Variants in FAM193A observed in about 807,000 individuals in gnomAD.
FAM193A encodes protein FAM193A.
Under a neutral mutation model 126.5 loss-of-function variants are expected in FAM193A, and 22 were observed. The ratio of observed to expected loss-of-function variants is 0.17; its 90% CI spans 0.12 to 0.25. FAM193A has a LOEUF of 0.25. Among genes scored for constraint, FAM193A ranks in the 10% least tolerant of loss-of-function variants. The pLI is 1.00. For synonymous variants in FAM193A, 761 were observed against 646.8 expected, an observed-to-expected ratio of 1.18 and a Z score of -2.68; for missense variants, 1,675 against 1,672.8, an observed-to-expected ratio of 1.00 and a Z score of -0.02.
At chr4:2,645,349 C>T (rs1745028183) in intron 6 of FAM193A, among the ~76,000 whole-genome samples, 1 of 152,174 alleles carries the variant, frequency 6.6e-6, no homozygotes, top group African/African-American at 2.4e-5. Context: ...TGTGTCTCCA[C>T]ACCACTCCCC....
intron 1 of FAM193A, among the ~76,000 whole-genome samples, chr4:2,586,072 C>T (rs1168809407): frequency 6.6e-6 from 1 of 151,884 alleles, no homozygotes; most frequent in Non-Finnish European, 1.5e-5. Context: ...AGAGAAACCC[C>T]ATCTCTACTA....
intron 20 of FAM193A, among the ~76,000 whole-genome samples, chr4:2,717,896 C>T (rs1483258558): frequency 1.3e-5 from 2 of 151,968 alleles, no homozygotes; most frequent in African/African-American, 4.8e-5. Flanking sequence ...TCAGGTGATC[C>T]ACCCCCCCTT....
At chr4:2,652,564 A>AG (rs540982370) in intron 7 of FAM193A, among the ~76,000 whole-genome samples, 3 of 152,132 alleles carry the variant, frequency 2.0e-5, no homozygotes, top group African/African-American at 7.2e-5. Flanking sequence ...AGTAGGAGGA[A>AG]GGGGGGTGGG....
chr4:2,681,730 C>T (rs1365809031), intron 13 of FAM193A, among the ~76,000 whole-genome samples: 1 of 152,190 alleles, frequency 6.6e-6, no homozygotes, highest in African/African-American at 2.4e-5. Flanking sequence ...TCCCAAGGTG[C>T]TGGAATTACA....
At chr4:2,712,324 G>A (rs985005121) in intron 19 of FAM193A, among the ~76,000 whole-genome samples, 1 of 152,004 alleles carries the variant, frequency 6.6e-6, no homozygotes, top group Admixed American at 6.5e-5. Flanking sequence ...TGTCTTCTGT[G>A]GCTTATTATT....
intron 13 of FAM193A, among the ~76,000 whole-genome samples, chr4:2,687,153 A>C (rs904885553): frequency 1.3e-5 from 2 of 151,816 alleles, no homozygotes; most frequent in African/African-American, 2.4e-5. Context: ...CCCAGAGGGG[A>C]GTGCTTCCTC....
intron 5 of FAM193A, among the ~76,000 whole-genome samples, chr4:2,636,013 T>G (rs79884496): frequency 6.6e-6 from 1 of 151,640 alleles, no homozygotes; most frequent in South Asian, 2.1e-4. Flanking sequence ...TTTTTTTTTT[T>G]GAGACGGAGT....
chr4:2,693,520 G>T (rs1471829814), intron 15 of FAM193A, 66 bp from the exon 16 acceptor site: 17 of 1,489,476 alleles, frequency 1.1e-5, no homozygotes, highest in Admixed American at 9.6e-5. Context: ...TGTTCTTTCA[G>T]ATTTTCTACA....
At chr4:2,576,889 T>C (rs145572368) in intron 1 of FAM193A, among the ~76,000 whole-genome samples, 2 of 152,234 alleles carry the variant, frequency 1.3e-5, no homozygotes, top group Non-Finnish European at 2.9e-5. Flanking sequence ...ATGGAGATAC[T>C]GTAGCAGATA....
At chr4:2,682,445 C>T (rs2031257297) in intron 13 of FAM193A, among the ~76,000 whole-genome samples, 1 of 152,170 alleles carries the variant, frequency 6.6e-6, no homozygotes, top group African/African-American at 2.4e-5. Flanking sequence ...ACTATAGGCA[C>T]ATGCCACCAT....
chr4:2,631,611 A>G (rs1190145746), intron 5 of FAM193A, among the ~76,000 whole-genome samples: 6 of 152,252 alleles, frequency 3.9e-5, no homozygotes, highest in Non-Finnish European at 8.8e-5. Flanking sequence ...TTTACCGCCC[A>G]GTGGCGTTCA....
intron 7 of FAM193A, among the ~76,000 whole-genome samples, chr4:2,654,106 A>G (rs1018018679): frequency 5.3e-5 from 8 of 152,238 alleles, no homozygotes; most frequent in African/African-American, 1.4e-4. Flanking sequence ...CTTCTAATCA[A>G]TAACATTTTA....
At chr4:2,601,358 G>A (rs1039291902) in intron 2 of FAM193A, among the ~76,000 whole-genome samples, 3 of 149,886 alleles carry the variant, frequency 2.0e-5, no homozygotes, top group Admixed American at 6.7e-5. Context: ...TCAGCCTCCC[G>A]AGTAGCTGGG....
At chr4:2,583,062 G>A (rs1400547286) in intron 1 of FAM193A, among the ~76,000 whole-genome samples, 1 of 152,114 alleles carries the variant, frequency 6.6e-6, no homozygotes, top group African/African-American at 2.4e-5. Flanking sequence ...TCCACCTCCC[G>A]GGTTCAAGCG....
At chr4:2,653,453 TA>T (rs1009895688) in intron 7 of FAM193A, among the ~76,000 whole-genome samples, 3 of 152,196 alleles carry the variant, frequency 2.0e-5, no homozygotes, top group African/African-American at 4.8e-5. Context: ...TATTTTTATT[TA>T]TTTTTTTTTA....
At chr4:2,730,497 T>G (rs995870603) in intron 20 of FAM193A, among the ~76,000 whole-genome samples, 1 of 152,070 alleles carries the variant, frequency 6.6e-6, no homozygotes, top group African/African-American at 2.4e-5. Context: ...GAGAGCATCC[T>G]GGCTAACATG....
chr4:2,562,967 CG>C (rs1480297853), intron 1 of FAM193A, among the ~76,000 whole-genome samples: 1 of 148,590 alleles, frequency 6.7e-6, no homozygotes, highest in African/African-American at 2.5e-5. Flanking sequence ...TTTTTTGAGA[CG>C]GAGTCTTGCT....
chr4:2,565,522 C>G (rs757457396), intron 1 of FAM193A, among the ~76,000 whole-genome samples: 21 of 152,088 alleles, frequency 1.4e-4, no homozygotes, highest in Middle Eastern at 3.4e-3. Context: ...TCCCAGAGTG[C>G]TGGGATTACA....
chr4:2,603,142 G>A (rs1741308985), intron 2 of FAM193A, among the ~76,000 whole-genome samples: 1 of 147,738 alleles, frequency 6.8e-6, no homozygotes, highest in African/African-American at 2.5e-5. Context: ...CTAATTTTGT[G>A]TGTATATATA....
Sources: allele counts gnomAD v4.1 joint callset (sites outside exome capture counted in the v4.1 genomes callset), GRCh38; gene constraint gnomAD v4.1.1; transcripts MANE v1.5; gene names NCBI Gene and HGNC (gene_info 2026-07-23, HGNC 2026-07-21).